Variants in SORBS2 observed in about 807,000 individuals in gnomAD.
SORBS2 encodes the protein sorbin and SH3 domain containing 2.
A neutral mutation model predicts 97.7 loss-of-function variants in SORBS2; 46 were observed. The ratio of observed to expected loss-of-function variants is 0.47; its 90% confidence interval spans 0.37 to 0.60. The LOEUF (loss-of-function observed/expected upper bound fraction) is 0.60, where lower values mean the gene tolerates loss of function less well. Among genes scored for constraint, SORBS2 ranks in the 20% least tolerant of loss-of-function variants. The probability of loss-of-function intolerance (pLI) is 0.00; values close to 1 mark genes in which losing one functional copy is unlikely to be tolerated. For missense variants in SORBS2, 1,316 were observed against 1,282.3 expected (o/e 1.03, Z -0.40); for synonymous variants, 476 against 473.4 (o/e 1.01, Z -0.07).
chr4:185,889,477 T>C (rs2099241383), intron 1 of SORBS2, among the ~76,000 whole-genome samples: 1 of 152,188 alleles, frequency 6.6e-6, no homozygotes, highest in African/African-American at 2.4e-5. Context: ...ATTTCATAGT[T>C]ATGAAGTCCA....
rs369229874 is a variant in SORBS2 at position 185,829,440 on chromosome 4, C to T, written c.-337-54074G>A. Among the ~76,000 whole-genome samples, 10 of 152,042 alleles carry T rather than the reference C, an allele frequency of 6.6e-5. No homozygotes were observed. The South Asian group carries it at 2.1e-3, about 32-fold the overall frequency. On this transcript the variant is annotated intron_variant, in intron 1 of 20. Transcript: ENST00000284776. ...TTTTTTCAGGATTTTTTTTCAGTAC[C>T]ATTAATGTGATTACATACACACAAA...
At chr4:185,875,071 G>A (rs1472423531) in intron 1 of SORBS2, among the ~76,000 whole-genome samples, 2 of 152,120 alleles carry the variant, frequency 1.3e-5, no homozygotes, top group Non-Finnish European at 2.9e-5. Context: ...ATACCAGGAA[G>A]TATGTCCTCA....
At position 185,751,190 on chromosome 4, in the gene SORBS2, A is replaced by AAAAAAAAAAAAAAAAAAAAAAGAG; in HGVS notation, c.-198+24036_-198+24037insCTCTTTTTTTTTTTTTTTTTTTTT. ...TAAATACTAAAAAAAAAAAAAAAAA[A>AAAAAAAAAAAAAAAAAAAAAAGAG]AGAGAAAGAGAGAGAAATTCAGGAA... On this transcript the variant is annotated intron_variant, in intron 2 of 20. Coordinates refer to the SORBS2 transcript ENST00000284776. 1.5e-3 allele frequency among the ~76,000 whole-genome samples: 126 copies of AAAAAAAAAAAAAAAAAAAAAAGAG among 86,428 alleles called. 9 individuals carry two copies. The highest frequency in any genetic ancestry group is 4.0e-3 in the African/African-American group (97 of 24,378). 56.7% of individuals were successfully genotyped at this position (86,428 alleles called of 152,430 possible).
At chr4:185,937,378 A>G (rs2099269457) in intron 1 of SORBS2, among the ~76,000 whole-genome samples, 2 of 152,178 alleles carry the variant, frequency 1.3e-5, no homozygotes, top group Non-Finnish European at 2.9e-5. Flanking sequence ...TAACAGAGCT[A>G]TTGTTAGGGT....
intron 2 of SORBS2, chr4:185,761,737 A>G (rs1041942459): frequency 6.6e-6 from 1 of 152,258 alleles, no homozygotes; most frequent in Admixed American, 6.5e-5. Context: ...CAGGGCTGAC[A>G]TTGAATCTGA....
At chr4:185,753,390 T>C (rs1264128663) in intron 2 of SORBS2, among the ~76,000 whole-genome samples, 4 of 152,240 alleles carry the variant, frequency 2.6e-5, no homozygotes, top group Non-Finnish European at 5.9e-5. Flanking sequence ...AAATACTTTG[T>C]AAAAAGAAAT....
At chr4:185,759,103 G>A (rs10015164) in intron 2 of SORBS2, among the ~76,000 whole-genome samples, 48,102 of 152,032 alleles carry the variant, frequency 0.32, 8,018 homozygotes, top group African/African-American at 0.4. Context: ...GACAGTGCTC[G>A]GATTTGCATG....
intron 4 of SORBS2, among the ~76,000 whole-genome samples, chr4:185,638,652 G>C (rs2097068649): frequency 1.3e-5 from 2 of 150,854 alleles, no homozygotes; most frequent in Admixed American, 6.6e-5. Context: ...CAGGTGGTAA[G>C]CCTGGGATGG....
At chr4:185,925,406 C>T (rs2099263114) in intron 1 of SORBS2, among the ~76,000 whole-genome samples, 1 of 142,618 alleles carries the variant, frequency 7.0e-6, no homozygotes, top group Non-Finnish European at 1.6e-5. Context: ...TACAAAATAG[C>T]ACATTTTTTT....
At chr4:185,849,462 C>A (rs956951957) in intron 1 of SORBS2, among the ~76,000 whole-genome samples, 1 of 123,716 alleles carries the variant, frequency 8.1e-6, no homozygotes, top group East Asian at 2.5e-4. Flanking sequence ...TGCCACTCTT[C>A]CTCTCCCTGC....
At chr4:185,652,966 GTTTTA>G (rs2097338694) in intron 1 of SORBS2, among the ~76,000 whole-genome samples, 2 of 152,238 alleles carry the variant, frequency 1.3e-5, no homozygotes, top group South Asian at 4.1e-4. Flanking sequence ...AGATGCTATG[GTTTTA>G]TTTTTTCAAG....
intron 1 of SORBS2, among the ~76,000 whole-genome samples, chr4:185,943,305 GA>G (rs1369452260): frequency 6.6e-6 from 1 of 152,164 alleles, no homozygotes; most frequent in African/African-American, 2.4e-5. Flanking sequence ...TTGTAAAAGG[GA>G]AAACTTTTCT....
At chr4:185,743,523 T>C (rs1467372656) in intron 2 of SORBS2, among the ~76,000 whole-genome samples, 2 of 152,232 alleles carry the variant, frequency 1.3e-5, no homozygotes, top group African/African-American at 4.8e-5. Context: ...AGCTAAAAAC[T>C]GTGATACACA....
chr4:185,595,148 T>C (rs1300787897), intron 12 of SORBS2, among the ~76,000 whole-genome samples: 1 of 152,196 alleles, frequency 6.6e-6, no homozygotes, highest in Non-Finnish European at 1.5e-5. Context: ...TACTTGTCTA[T>C]CTAGCATAAG....
Position 185,701,503 on chromosome 4 carries a change from G to A in SORBS2, c.-197-22681C>T, listed in dbSNP as rs192450797. On this transcript the variant is annotated intron_variant, in intron 2 of 20. Coordinates refer to the SORBS2 transcript ENST00000284776. The stretch of plus-strand genomic sequence containing the variant: ...TCCATTTCTTCTTTTATAATGGAGC[G>A]TAAAAGCACTTTGTCATCTGTGCTG... 5.6e-4 allele frequency among the ~76,000 whole-genome samples: 86 copies of A among 152,288 alleles called. 1 individual carries two copies. The highest frequency in any genetic ancestry group is 1.4e-3 in the Admixed American group (22 of 15,310).
At chr4:185,629,564 GT>G (rs397880846) in intron 5 of SORBS2, among the ~76,000 whole-genome samples, 3,433 of 135,634 alleles carry the variant, frequency 0.025, 99 homozygotes, top group African/African-American at 0.075. Flanking sequence ...TTTGTGATTT[GT>G]TTTTTTTTTT....
At chr4:185,757,773 G>A (rs772960271) in intron 2 of SORBS2, among the ~76,000 whole-genome samples, 1 of 152,166 alleles carries the variant, frequency 6.6e-6, no homozygotes, top group Non-Finnish European at 1.5e-5. Flanking sequence ...CAGCAATTTC[G>A]AGTTCTTAAA....
chr4:185,840,473 T>C (rs1055419128), intron 1 of SORBS2, among the ~76,000 whole-genome samples: 3 of 152,176 alleles, frequency 2.0e-5, no homozygotes, highest in African/African-American at 7.2e-5. Context: ...TGCTACTAAT[T>C]TCCTCTAAAC....
intron 2 of SORBS2, among the ~76,000 whole-genome samples, chr4:185,755,756 A>G (rs1272088373): frequency 6.6e-6 from 1 of 152,214 alleles, no homozygotes; most frequent in Non-Finnish European, 1.5e-5. Context: ...AAGAATAATC[A>G]CATTCATTCT....
Sources: allele counts gnomAD v4.1 joint callset (sites outside exome capture counted in the v4.1 genomes callset), GRCh38; gene constraint gnomAD v4.1.1; transcripts MANE v1.5; gene names NCBI Gene and HGNC (gene_info 2026-07-23, HGNC 2026-07-21).